The following XIRP2 variants were observed in gnomAD, a reference collection of about 807,000 sequenced individuals.
XIRP2 encodes the protein xin actin binding repeat containing 2, also known as xin actin-binding repeat-containing protein 2.
Under a neutral mutation model 277.0 loss-of-function variants are expected in XIRP2, and 236 were observed. The observed-to-expected ratio is 0.85, with a 90% CI of 0.77 to 0.95. The LOEUF is 0.95. XIRP2 is among the 40% of genes least tolerant of loss of function. The probability of loss-of-function intolerance (pLI) is 0.00; values close to 1 mark genes in which losing one functional copy is unlikely to be tolerated. For synonymous variants in XIRP2, 1,490 were observed against 1,416.5 expected (o/e 1.05, Z -1.17); for missense variants, 4,640 against 4,157.5 (o/e 1.12, Z -3.19).
intron 3 of XIRP2, 30 bp from the exon 4 acceptor site, chr2:167,210,705 C>T (rs1208283480): frequency 6.2e-7 from 1 of 1,610,948 alleles, no homozygotes; most frequent in Non-Finnish European, 8.5e-7. Flanking sequence ...GCTTAACACA[C>T]ATGTGTAAGC....
chr2:167,142,226 A>T (rs1691740676), intron 3 of XIRP2, among the ~76,000 whole-genome samples: 1 of 152,158 alleles, frequency 6.6e-6, no homozygotes, highest in South Asian at 2.1e-4. Flanking sequence ...GAGCCCACAC[A>T]TGAGAGCCAA....
chr2:167,187,272 A>C, intron 3 of XIRP2: 1 of 985,332 alleles, frequency 1.0e-6, no homozygotes, highest in Middle Eastern at 5.2e-4. Context: ...TGGTTGACTC[A>C]GGCCCCACCT....
intron 2 of XIRP2, among the ~76,000 whole-genome samples, chr2:167,005,293 T>G (rs1281335161): frequency 1.3e-5 from 2 of 151,902 alleles, no homozygotes; most frequent in Non-Finnish European, 2.9e-5. Context: ...TTAGAGACTA[T>G]ATTAGCCTAG....
chr2:166,926,217 T>G (rs1247157481), intron 2 of XIRP2, among the ~76,000 whole-genome samples: 1 of 152,094 alleles, frequency 6.6e-6, no homozygotes, highest in East Asian at 1.9e-4. Flanking sequence ...TATTTACTCA[T>G]TTCATGTTGA....
intron 2 of XIRP2, among the ~76,000 whole-genome samples, chr2:167,129,668 C>T (rs1691316099): frequency 6.6e-6 from 1 of 151,814 alleles, no homozygotes; most frequent in Non-Finnish European, 1.5e-5. Flanking sequence ...GTTGGGAGTT[C>T]GAGAACAGCC....
chr2:167,229,629 A>G (rs1489240782), intron 5 of XIRP2, among the ~76,000 whole-genome samples: 2 of 152,152 alleles, frequency 1.3e-5, no homozygotes, highest in African/African-American at 4.8e-5. Context: ...AAATAAACCC[A>G]TCTTCATGGG....
rs1232194364 is a variant in XIRP2 at position 167,240,723 on chromosome 2, T to C, written c.1029T>C (p.Tyr343=). 2 of 1,613,698 alleles carry C rather than the reference T, an allele frequency of 1.2e-6. No homozygotes were observed. Among genetic ancestry groups the C allele is most frequent in the Non-Finnish European group, 8.5e-7 (1 of 1,179,786 alleles). ...EVNQASQFHQ[Y]VQETVIDTPE... ...ACCAAGCATCTCAGTTTCATCAATA[T>C]GTTCAAGAAACTGGTAAGAGTCTGG... The change falls in exon 7 of 11, where the codon TAT becomes TAC. Residue 343 remains tyrosine (Y), a synonymous_variant. Transcript: ENST00000409195.
intron 3 of XIRP2, among the ~76,000 whole-genome samples, chr2:167,207,654 A>G (rs1399303154): frequency 6.6e-6 from 1 of 152,234 alleles, no homozygotes; most frequent in Admixed American, 6.5e-5. Flanking sequence ...AAACTGCAGA[A>G]GAAAAGCATA....
intron 5 of XIRP2, among the ~76,000 whole-genome samples, chr2:167,232,669 G>A (rs1694793460): frequency 6.6e-6 from 1 of 151,932 alleles, no homozygotes; most frequent in Non-Finnish European, 1.5e-5. Context: ...GGTATTTGTA[G>A]CACTGGTGAG....
chr2:167,245,434 C>T lies in XIRP2; in HGVS notation c.4042C>T (p.Arg1348Ter), dbSNP rs199938643. Residue 1348 changes from arginine to a stop codon, truncating the protein, a stop_gained, in exon 9 of 11, where the codon CGA (arginine) becomes TGA (stop). Transcript: ENST00000409195. LOFTEE classifies it high-confidence loss of function. The stretch of plus-strand genomic sequence containing the variant: ...AGAAGAGGTAATTCATGGAGATGTG[C>T]GAGGAACAAGGTGGCTTTTTGAAAC... ...KKEEVIHGDV[R>*]GTRWLFETKP... is the part of the protein sequence containing the mutation. 253 of 1,613,328 alleles carry T rather than the reference C, an allele frequency of 1.6e-4. No homozygotes were observed. The African/African-American group carries it at 2.2e-3, about 14-fold the overall frequency.
intron 2 of XIRP2, among the ~76,000 whole-genome samples, chr2:167,035,114 C>A (rs1212087660): frequency 1.3e-5 from 2 of 152,158 alleles, no homozygotes; most frequent in Non-Finnish European, 2.9e-5. Context: ...AATTAAACCT[C>A]TTTTTTCTTC....
chr2:166,979,551 A>T (rs918130792), intron 2 of XIRP2, among the ~76,000 whole-genome samples: 1 of 151,752 alleles, frequency 6.6e-6, no homozygotes, highest in African/African-American at 2.4e-5. Context: ...AGACTAAAAA[A>T]GTTCTTTTTT....
chr2:166,914,683 G>C (rs910252894), intron 2 of XIRP2, among the ~76,000 whole-genome samples: 4 of 152,044 alleles, frequency 2.6e-5, no homozygotes, highest in African/African-American at 9.7e-5. Flanking sequence ...ATGGCAATTT[G>C]CTATGGAAGC....
At chr2:167,144,831 T>G (rs58784178) in intron 3 of XIRP2, among the ~76,000 whole-genome samples, 13,864 of 152,156 alleles carry the variant, frequency 0.091, 1,234 homozygotes, top group African/African-American at 0.23. Context: ...GGGAAGCTAT[T>G]AAGAAACTTT....
chr2:167,034,506 GA>G (rs202015976), intron 2 of XIRP2, among the ~76,000 whole-genome samples: 5,856 of 136,690 alleles, frequency 0.043, 129 homozygotes, highest in East Asian at 0.089. Context: ...CAGAAAAAAA[GA>G]AAAAAAAAAA....
Position 167,225,925 on chromosome 2 carries a change from G to A in XIRP2, c.858+7625G>A, listed in dbSNP as rs78351869. The stretch of plus-strand genomic sequence containing the variant: ...AAGATTAACTTTTTAATGCTGAAGC[G>A]GAATTGGAAGACCAAGAGTTTGCTA... On this transcript the variant is annotated intron_variant, in intron 5 of 10. Coordinates refer to ENST00000409195, the MANE Select transcript of XIRP2 (RefSeq NM_152381.6). Among the ~76,000 whole-genome samples, 421 of 152,174 alleles carry A rather than the reference G, an allele frequency of 2.8e-3. 1 individual carries two copies. Among genetic ancestry groups the A allele is most frequent in the Middle Eastern group, 0.01 (3 of 294 alleles).
intron 2 of XIRP2, among the ~76,000 whole-genome samples, chr2:166,906,464 A>G (rs755212749): frequency 5.9e-5 from 9 of 152,086 alleles, no homozygotes; most frequent in Non-Finnish European, 1.3e-4. Flanking sequence ...ATGTGTATGT[A>G]TATTTACTTG....
At chr2:167,188,237 G>T (rs549015647) in intron 3 of XIRP2, among the ~76,000 whole-genome samples, 1 of 152,056 alleles carries the variant, frequency 6.6e-6, no homozygotes, top group Non-Finnish European at 1.5e-5. Context: ...TTCTGTCTTC[G>T]ATTGCCTGTG....
intron 2 of XIRP2, among the ~76,000 whole-genome samples, chr2:166,918,518 A>T (rs946010239): frequency 8.5e-5 from 13 of 152,142 alleles, no homozygotes; most frequent in Non-Finnish European, 1.9e-4. Flanking sequence ...TGTTAAATTA[A>T]TTCAGCCAGT....
Sources: gnomAD v4.1 joint callset for allele counts (sites outside exome capture counted in the v4.1 genomes callset) on GRCh38, gnomAD v4.1.1 for gene constraint, MANE v1.5 for transcripts, NCBI Gene and HGNC (gene_info 2026-07-23, HGNC 2026-07-21) for gene names.